The following NLRP4 variants were observed in gnomAD, a reference collection of about 807,000 sequenced individuals.
NLRP4 encodes the protein NLR family pyrin domain containing 4, also known as NACHT, LRR and PYD domains-containing protein 4.
In NLRP4, 44 loss-of-function variants were observed where a neutral mutation model predicts 84.7. The observed-to-expected ratio is 0.52, with a 90% CI of 0.41 to 0.67. NLRP4 has a LOEUF of 0.67. Ranked by LOEUF, NLRP4 falls within the 30% of genes least tolerant of loss-of-function variation. The pLI is 0.00. For missense variants in NLRP4, 1,260 were observed against 1,219.4 expected (o/e 1.03, Z -0.50); for synonymous variants, 544 against 476.4 (o/e 1.14, Z -1.85).
At chr19:55,872,414 C>T (rs1283816596) in intron 7 of NLRP4, among the ~76,000 whole-genome samples, 2 of 151,978 alleles carry the variant, frequency 1.3e-5, no homozygotes, top group Non-Finnish European at 1.5e-5. Context: ...GCTCATTGAG[C>T]CAAGGACAAG....
chr19:55,850,267 T>G (rs367662862), intron 1 of NLRP4, among the ~76,000 whole-genome samples: 3,464 of 70,488 alleles, frequency 0.049, 53 homozygotes, highest in African/African-American at 0.17. Context: ...GCGGTGTAAT[T>G]TCCGAGGCTG....
chr19:55,841,400 T>C (rs1015192944), intron 1 of NLRP4, among the ~76,000 whole-genome samples: 5 of 152,218 alleles, frequency 3.3e-5, no homozygotes, highest in African/African-American at 9.6e-5. Context: ...TTTCTGTGCC[T>C]GCCTTATTTT....
At chr19:55,840,330 A>ATATGTG (rs200125991) in intron 1 of NLRP4, among the ~76,000 whole-genome samples, 2 of 133,948 alleles carry the variant, frequency 1.5e-5, no homozygotes, top group Non-Finnish European at 3.2e-5. Context: ...GTGTATAGAC[A>ATATGTG]TATGTGTATG....
chr19:55,848,235 G>A (rs1199470375), intron 1 of NLRP4, among the ~76,000 whole-genome samples: 1 of 152,144 alleles, frequency 6.6e-6, no homozygotes, highest in Non-Finnish European at 1.5e-5. Context: ...CTTTGAGGAG[G>A]AAGACCACGA....
chr19:55,876,356 G>C (rs946624011), intron 7 of NLRP4, among the ~76,000 whole-genome samples: 25 of 152,136 alleles, frequency 1.6e-4, no homozygotes, highest in Middle Eastern at 3.4e-3. Flanking sequence ...AAATGGCATA[G>C]TGTGTGTTTT....
At chr19:55,859,393 A>G (rs2123036153) in intron 3 of NLRP4, 144 bp downstream of exon 3, 1 of 626,212 alleles carries the variant, frequency 1.6e-6, no homozygotes, top group African/African-American at 1.8e-5. Flanking sequence ...TCCTGGCCCA[A>G]CATTTTAGGA....
chr19:55,870,858 T>C lies in NLRP4; in HGVS notation c.2386T>C (p.Cys796Arg). The change falls in exon 7 of 10, where the codon TGC becomes CGC. Residue 796 changes from cysteine to arginine, a missense_variant. Coordinates refer to ENST00000301295, the MANE Select transcript of NLRP4 (RefSeq NM_134444.5). ...LAFCHLSEQC[C>R]EYISEMLLRN... ...TTTCTGCCACCTCAGCGAGCAGTGC[T>C]GCGAATACATCTCTGAAATGCTTCT... 6.2e-7 allele frequency: 1 copy of C among 1,614,152 alleles called. No individual in the cohort carries two copies. Among genetic ancestry groups the C allele is most frequent in the Non-Finnish European group, 8.5e-7 (1 of 1,179,978 alleles).
In NLRP4 at chr19:55,878,802, A is replaced by G. The variant is rs773555236; in HGVS notation, c.2705A>G (p.Glu902Gly). 3 of 1,611,438 alleles carry G rather than the reference A, an allele frequency of 1.9e-6. No homozygotes were observed. Among genetic ancestry groups the G allele is most frequent in the South Asian group, 2.2e-5 (2 of 90,770 alleles). Reference sequence around the variant, plus strand: ...GTGTCTTTTTATTGCAGGTTGGAAGAATGTGGGTTAACGAGCACCTGCTGT... The same window carrying G: ...GTGTCTTTTTATTGCAGGTTGGAAGGATGTGGGTTAACGAGCACCTGCTGT... ...DCRLEILGLE[E>G]CGLTSTCCKD... Residue 902 changes from glutamate to glycine, a missense_variant, in exon 9 of 10, where the codon GAA (glutamate) becomes GGA (glycine). Coordinates refer to ENST00000301295, the MANE Select transcript of NLRP4 (RefSeq NM_134444.5).
In NLRP4 at chr19:55,870,820, C is replaced by T. The variant is rs200218826; in HGVS notation, c.2355-7C>T. ...TCACTCTCCTTCTCGTGTTTTTGTCCCCATAGGTTGGCTTTCTGCCACCTC... is the reference window on the plus strand; with the variant it reads ...TCACTCTCCTTCTCGTGTTTTTGTCTCCATAGGTTGGCTTTCTGCCACCTC... On this transcript the variant is annotated splice_region_variant and splice_polypyrimidine_tract_variant and intron_variant, in intron 6 of 9. Coordinates refer to ENST00000301295, the MANE Select transcript of NLRP4 (RefSeq NM_134444.5). The T allele has an allele frequency of 1.9e-4, 301 of 1,610,672 alleles. No homozygotes were observed. Among genetic ancestry groups the T allele is most frequent in the Non-Finnish European group, 2.5e-4 (296 of 1,177,400 alleles).
In NLRP4 at chr19:55,863,371, G is replaced by A. The variant is rs547587644; in HGVS notation, c.2186+1212G>A. ...GGTGTAATTGGCTTATGGTTCTGAA[G>A]GATGTACAGGCTTCTGCTTCTGGGG... On this transcript the variant is annotated intron_variant, in intron 5 of 9. Transcript: ENST00000301295. Among the ~76,000 whole-genome samples, 6 of 152,308 alleles carry A rather than the reference G, an allele frequency of 3.9e-5. No individual in the cohort carries two copies. In the South Asian group the frequency reaches 8.3e-4, roughly 21 times the overall value.
chr19:55,851,999 T>C lies in NLRP4; in HGVS notation c.-65-17T>C. Reference sequence around the variant, plus strand: ...ATTTATTTGTAATAACTTGGCACTGTCCTGAATTTTCTACAGGTTTTATTT... The same window carrying C: ...ATTTATTTGTAATAACTTGGCACTGCCCTGAATTTTCTACAGGTTTTATTT... On this transcript the variant is annotated splice_polypyrimidine_tract_variant and intron_variant, in intron 1 of 9. Transcript: ENST00000301295. The C allele has an allele frequency of 9.8e-7, 1 of 1,017,012 alleles. No individual in the cohort carries two copies. The highest frequency in any genetic ancestry group is 2.4e-5 in the East Asian group (1 of 42,044). 63.0% of individuals were successfully genotyped at this position (1,017,012 alleles called of 1,614,324 possible). A position where few individuals can be genotyped will look rare whatever the true frequency, so the allele number is the denominator to read the frequency against.
chr19:55,873,550 G>A (rs944436297), intron 7 of NLRP4, among the ~76,000 whole-genome samples: 1 of 152,052 alleles, frequency 6.6e-6, no homozygotes, highest in Non-Finnish European at 1.5e-5. Flanking sequence ...AAAACGTGAG[G>A]TTGTGGTTGT....
At chr19:55,865,022 A>G (rs931124634) in intron 5 of NLRP4, among the ~76,000 whole-genome samples, 2 of 152,228 alleles carry the variant, frequency 1.3e-5, no homozygotes, top group Admixed American at 6.5e-5. Context: ...ATTCAGGGGT[A>G]CAGGTTTATT....
chr19:55,868,014 T>G, intron 6 of NLRP4, 138 bp downstream of exon 6: 1 of 751,302 alleles, frequency 1.3e-6, no homozygotes, highest in Non-Finnish European at 2.2e-6. Context: ...CAGAAAAGAC[T>G]TGAGTTCTAG....
chr19:55,868,507 T>G (rs1427238470), intron 6 of NLRP4, among the ~76,000 whole-genome samples: 1 of 151,458 alleles, frequency 6.6e-6, no homozygotes, highest in Non-Finnish European at 1.5e-5. Context: ...TTGTGTCTTT[T>G]TTTTTTTTTT....
chr19:55,859,990 T>G (rs1984680052), intron 3 of NLRP4, among the ~76,000 whole-genome samples: 1 of 149,376 alleles, frequency 6.7e-6, no homozygotes, highest in Admixed American at 6.7e-5. Flanking sequence ...CTTGTTCTTT[T>G]TTTTTTTTTT....
At chr19:55,855,227 A>G (rs1984364484) in intron 2 of NLRP4, among the ~76,000 whole-genome samples, 2 of 152,228 alleles carry the variant, frequency 1.3e-5, no homozygotes, top group South Asian at 4.1e-4. Flanking sequence ...TAATTTATAT[A>G]AAGAAGAACA....
chr19:55,857,161 T>C (rs1476261720), intron 2 of NLRP4, among the ~76,000 whole-genome samples: 1 of 152,248 alleles, frequency 6.6e-6, no homozygotes, highest in African/African-American at 2.4e-5. Context: ...GATAGTCATA[T>C]AGCTATTTTC....
At chr19:55,859,731 T>C (rs1247366962) in intron 3 of NLRP4, among the ~76,000 whole-genome samples, 4 of 151,592 alleles carry the variant, frequency 2.6e-5, no homozygotes, top group Admixed American at 2.0e-4. Context: ...AGTTCGAGAC[T>C]AGCCTGACCA....
Sources: allele counts gnomAD v4.1 joint callset (sites outside exome capture counted in the v4.1 genomes callset), GRCh38; gene constraint gnomAD v4.1.1; transcripts MANE v1.5; gene names NCBI Gene and HGNC (gene_info 2026-07-23, HGNC 2026-07-21).